Variants in SMG1 observed in about 807,000 individuals in gnomAD.
SMG1 encodes the protein SMG1 nonsense mediated mRNA decay associated PI3K related kinase.
Under a neutral mutation model 419.9 loss-of-function variants are expected in SMG1, and 22 were observed. The ratio of observed to expected loss-of-function variants is 0.05; its 90% CI spans 0.04 to 0.07. The LOEUF is 0.07. Among genes scored for constraint, SMG1 ranks in the 10% least tolerant of loss-of-function variants. The pLI is 1.00. For synonymous variants in SMG1, 1,538 were observed against 1,553.5 expected, an observed-to-expected ratio of 0.99 and a Z score of 0.23; for missense variants, 3,185 against 4,342.0, an observed-to-expected ratio of 0.73 and a Z score of 7.49.
intron 11 of SMG1, 110 bp from the exon 12 acceptor site, chr16:18,877,342 CTA>C: frequency 2.9e-6 from 2 of 686,892 alleles, no homozygotes; most frequent in East Asian, 3.0e-5. Context: ...AGGCTACATA[CTA>C]TATGACTCCA....
At chr16:18,832,806 C>G (rs1166226134) in intron 51 of SMG1, 134 bp downstream of exon 51, 4 of 737,380 alleles carry the variant, frequency 5.4e-6, no homozygotes, top group Non-Finnish European at 9.1e-6. Flanking sequence ...TAAAAAGATA[C>G]GTGTATGAGC....
intron 13 of SMG1, among the ~76,000 whole-genome samples, chr16:18,873,865 C>T (rs192752037): frequency 4.8e-4 from 73 of 152,308 alleles, no homozygotes; most frequent in Admixed American, 4.6e-3. Flanking sequence ...CTGCCCCATC[C>T]CCACCCACTT....
chr16:18,903,121 G>T (rs1259168341), intron 1 of SMG1, among the ~76,000 whole-genome samples: 1 of 152,064 alleles, frequency 6.6e-6, no homozygotes, highest in African/African-American at 2.4e-5. Flanking sequence ...CACTGCACCC[G>T]GCCATAAATT....
At chr16:18,903,152 T>C (rs1000209014) in intron 1 of SMG1, among the ~76,000 whole-genome samples, 13 of 152,300 alleles carry the variant, frequency 8.5e-5, no homozygotes, top group African/African-American at 3.1e-4. Flanking sequence ...GTAACATTTC[T>C]AGCAAACATG....
At chr16:18,874,759 G>A (rs2925516) in intron 13 of SMG1, among the ~76,000 whole-genome samples, 13,194 of 148,456 alleles carry the variant, frequency 0.089, 728 homozygotes, top group African/African-American at 0.16. Context: ...TCAGCTGCTC[G>A]GGAGGCTGAG....
rs140700953 is a variant in SMG1, at chr16:18,876,286, T to C, written c.1728A>G (p.Leu576=). Residue 576 remains leucine (L), a synonymous_variant, in exon 13 of 63, where the codon CTA becomes CTG. Transcript: ENST00000446231. The part of the protein sequence containing the change: ...KLILGEMTCA[L]NNLLHSLQLP... The stretch of plus-strand genomic sequence containing the variant: ...GTTGTAGACTGTGTAGGAGGTTGTT[T>C]AGGGCACAAGTCATTTCTCCCAATA... The C allele has an allele frequency of 4.0e-4, 637 of 1,611,760 alleles. 3 individuals are homozygous for C. The African/African-American group carries it at 7.2e-3, about 18-fold the overall frequency.
At chr16:18,888,185 A>AC (rs2036721040) in intron 6 of SMG1, among the ~76,000 whole-genome samples, 1 of 148,274 alleles carries the variant, frequency 6.7e-6, no homozygotes, top group Admixed American at 6.8e-5. Context: ...AAAAAAAAAA[A>AC]GGAATGATGT....
At chr16:18,849,180 T>A in intron 36 of SMG1, 37 bp downstream of exon 36, 1 of 1,448,186 alleles carries the variant, frequency 6.9e-7, no homozygotes, top group South Asian at 1.4e-5. Context: ...GGCACAGTCA[T>A]TTATACTCAA....
intron 42 of SMG1, 62 bp from the exon 43 acceptor site, chr16:18,838,751 G>T: frequency 9.6e-7 from 1 of 1,040,270 alleles, no homozygotes; most frequent in South Asian, 1.5e-5. Context: ...CTCCAACATG[G>T]ACGTGATACT....
intron 33 of SMG1, among the ~76,000 whole-genome samples, chr16:18,850,732 C>T (rs908725103): frequency 6.6e-5 from 10 of 152,106 alleles, no homozygotes; most frequent in African/African-American, 2.4e-4. Context: ...TTCCAAGTTA[C>T]AATACAGTAT....
Position 18,862,553 on chromosome 16 carries a change from C to T in SMG1, c.3695+1097G>A, listed in dbSNP as rs1312608306. Among the ~76,000 whole-genome samples, 3 of 152,282 alleles carry T rather than the reference C, an allele frequency of 2.0e-5. No homozygotes were observed. The East Asian group carries it at 5.8e-4, about 29-fold the overall frequency. Reference sequence around the variant, plus strand: ...TTTCATTACAAATCTTAAAACATGGCTTGTTCTCTGTGTGCTCCTACTCCA... The same window carrying T: ...TTTCATTACAAATCTTAAAACATGGTTTGTTCTCTGTGTGCTCCTACTCCA... On this transcript the variant is annotated intron_variant, in intron 25 of 62. Transcript: ENST00000446231.
At chr16:18,908,376 A>C (rs1050829610) in intron 1 of SMG1, among the ~76,000 whole-genome samples, 3 of 151,626 alleles carry the variant, frequency 2.0e-5, no homozygotes, top group African/African-American at 7.3e-5. Flanking sequence ...AAAAAAAAAA[A>C]AAAGGCCAAA....
chr16:18,921,967 A>C (rs2038216035), intron 1 of SMG1, among the ~76,000 whole-genome samples: 1 of 152,214 alleles, frequency 6.6e-6, no homozygotes, highest in African/African-American at 2.4e-5. Flanking sequence ...AAGACACTCA[A>C]TATAGATCTA....
chr16:18,921,154 A>AAGAG (rs1555507998), intron 1 of SMG1, among the ~76,000 whole-genome samples: 34 of 143,458 alleles, frequency 2.4e-4, no homozygotes, highest in African/African-American at 7.5e-4. Flanking sequence ...AAAAAAAAAA[A>AAGAG]AGAGAGAGAG....
chr16:18,835,975 A>G lies in SMG1; in HGVS notation c.8015T>C (p.Ile2672Thr), dbSNP rs1464462892. The part of the protein sequence containing the change: ...EQWKTWMEEL[I>T]CNTTVERCQE... Reference sequence around the variant, plus strand: ...ACAACGCTCTACTGTGGTGTTACAGATGAGCTCTTCCATCCAGGTCTTCCA... The same window carrying G: ...ACAACGCTCTACTGTGGTGTTACAGGTGAGCTCTTCCATCCAGGTCTTCCA... Residue 2672 changes from isoleucine (I) to threonine (T), a missense_variant, in exon 48 of 63, where the codon ATC becomes ACC. By Grantham distance (89) the Ile-to-Thr change is moderately conservative. Around this residue, in one of 27 missense-constraint regions of SMG1, gnomAD observed 412 missense variants for 546.6 expected, o/e 0.75. Coordinates refer to ENST00000446231, the MANE Select transcript of SMG1 (RefSeq NM_015092.5). The G allele has an allele frequency of 1.8e-5, 28 of 1,553,784 alleles. No individual in the cohort carries two copies. The highest frequency in any genetic ancestry group is 2.4e-5 in the Non-Finnish European group (28 of 1,147,932).
At position 18,828,124 on chromosome 16, in the gene SMG1, T is replaced by G; in HGVS notation, c.9648A>C (p.Ser3216=). The G allele has an allele frequency of 1.9e-6, 3 of 1,613,698 alleles. No homozygotes were observed. The highest frequency in any genetic ancestry group is 2.5e-6 in the Non-Finnish European group (3 of 1,179,726). ...TAGCAGACCGTGGGGGAGGTGTGAC[T>G]GACATGGCTTGTGGTCTATTGATAA... ...DLLINRPQAM[S]VTPPPRSAIL... is the part of the protein sequence containing the mutation. The change falls in exon 55 of 63, where the codon TCA becomes TCC. Residue 3216 remains serine (S), a synonymous_variant. Transcript: ENST00000446231.
Position 18,819,412 on chromosome 16 carries a change from A to G in SMG1, c.9894+90T>C, listed in dbSNP as rs2032315163. On this transcript the variant is annotated intron_variant, in intron 56 of 62. Transcript: ENST00000446231. ...CTGTGAGCCAGAACGTGGGCTCTCAAGCTCCCCTAGTTACCCCACATATAA... is the reference window on the plus strand; with the variant it reads ...CTGTGAGCCAGAACGTGGGCTCTCAGGCTCCCCTAGTTACCCCACATATAA... 4.2e-6 allele frequency: 6 copies of G among 1,429,908 alleles called. No individual in the cohort carries two copies. In the Admixed American group the frequency reaches 1.2e-4, roughly 29 times the overall value. 88.6% of individuals were successfully genotyped at this position (1,429,908 alleles called of 1,614,324 possible). A position where few individuals can be genotyped will look rare whatever the true frequency, so the allele number is the denominator to read the frequency against.
In SMG1 at chr16:18,839,855, G is replaced by A; in HGVS notation, c.6788C>T (p.Thr2263Ile). ...YYSKIGPALK[T>I]VGLSLDVSRR... ...GGACACATCCAGGCTAAGCCCAACT[G>A]TTTTCAAAGCAGGGCCAATTTTACT... Residue 2263 changes from threonine to isoleucine, a missense_variant, in exon 42 of 63, where the codon ACA (threonine) becomes ATA (isoleucine). By Grantham distance (89) the Thr-to-Ile change is moderately conservative (BLOSUM62 -1). Around this residue, in one of 27 missense-constraint regions of SMG1, gnomAD observed 132 missense variants for 151.0 expected, o/e 0.87. Transcript: ENST00000446231. 6.2e-7 allele frequency: 1 copy of A among 1,613,708 alleles called. No individual in the cohort carries two copies. The highest frequency in any genetic ancestry group is 8.5e-7 in the Non-Finnish European group (1 of 1,179,764).
Position 18,922,497 on chromosome 16 carries a change from G to C in SMG1, c.92+3453C>G, listed in dbSNP as rs146712184. Among the ~76,000 whole-genome samples the C allele has an allele frequency of 3.0e-3, 463 of 152,282 alleles. 2 individuals carry two copies. Among genetic ancestry groups the C allele is most frequent in the Non-Finnish European group, 4.6e-3 (311 of 68,026 alleles). On this transcript the variant is annotated intron_variant, in intron 1 of 62. Coordinates refer to ENST00000446231, the MANE Select transcript of SMG1 (RefSeq NM_015092.5). ...TAACCATTCTTTGAGAAGGAGTCTT[G>C]CTCTGTTGCCCAGGCTGGAGTGCAG... is the stretch of plus-strand genomic sequence containing the variant.
Sources: gnomAD v4.1 joint callset for allele counts (sites outside exome capture counted in the v4.1 genomes callset) on GRCh38, gnomAD v4.1.1 for gene constraint, gnomAD v4.1.1 regional missense constraint, MANE v1.5 for transcripts, NCBI Gene and HGNC (gene_info 2026-07-23, HGNC 2026-07-21) for gene names.